LRBA: variants seen among roughly 807,000 people sequenced by gnomAD.
LRBA encodes LPS responsive beige-like anchor protein, also known as lipopolysaccharide-responsive and beige-like anchor protein.
Under a neutral mutation model 330.0 loss-of-function variants are expected in LRBA, and 176 were observed. The ratio of observed to expected loss-of-function variants is 0.53; its 90% confidence interval spans 0.47 to 0.60. The LOEUF is 0.60. Ranked by LOEUF, LRBA falls within the 20% of genes least tolerant of loss-of-function variation. LRBA has a pLI of 0.00. For synonymous variants in LRBA, 1,230 were observed against 1,193.0 expected, an observed-to-expected ratio of 1.03 and a Z score of -0.64; for missense variants, 3,259 against 3,444.8, an observed-to-expected ratio of 0.95 and a Z score of 1.35.
intron 34 of LRBA, among the ~76,000 whole-genome samples, chr4:150,773,582 T>C (rs1011055387): frequency 6.6e-6 from 1 of 152,226 alleles, no homozygotes; most frequent in Non-Finnish European, 1.5e-5. Context: ...CACACCTGTG[T>C]CAAATCCTTG....
At chr4:150,570,217 C>T (rs541287714) in intron 40 of LRBA, among the ~76,000 whole-genome samples, 20 of 152,144 alleles carry the variant, frequency 1.3e-4, no homozygotes, top group African/African-American at 3.6e-4. Flanking sequence ...ATTGATGTGT[C>T]GGGAATTTTT....
chr4:150,977,254 T>C (rs767976908), intron 2 of LRBA, among the ~76,000 whole-genome samples: 7 of 152,124 alleles, frequency 4.6e-5, no homozygotes, highest in Non-Finnish European at 8.8e-5. Flanking sequence ...TAAAAGGACT[T>C]TGTCTTGCAT....
At chr4:150,483,382 A>C (rs1489556860) in intron 42 of LRBA, among the ~76,000 whole-genome samples, 1 of 152,032 alleles carries the variant, frequency 6.6e-6, no homozygotes, top group East Asian at 1.9e-4. Flanking sequence ...TATCCTAATG[A>C]ATGTAATTTT....
intron 2 of LRBA, among the ~76,000 whole-genome samples, chr4:150,971,347 A>T (rs1739561434): frequency 6.6e-6 from 1 of 152,208 alleles, no homozygotes; most frequent in Non-Finnish European, 1.5e-5. Context: ...ATACTGTCAC[A>T]TATAATGATT....
chr4:150,940,212 T>G (rs2149525534), intron 2 of LRBA, among the ~76,000 whole-genome samples: 1 of 148,790 alleles, frequency 6.7e-6, no homozygotes, highest in East Asian at 2.0e-4. Context: ...AAGACCAGGC[T>G]GGGCAACATA....
At chr4:150,950,832 A>C (rs1289426624) in intron 2 of LRBA, among the ~76,000 whole-genome samples, 3 of 152,194 alleles carry the variant, frequency 2.0e-5, no homozygotes, top group Non-Finnish European at 2.9e-5. Flanking sequence ...AGGTCACTTA[A>C]GTCAGGCCTG....
chr4:150,754,419 T>C (rs1367962549), intron 35 of LRBA, among the ~76,000 whole-genome samples: 1 of 150,292 alleles, frequency 6.7e-6, no homozygotes, highest in African/African-American at 2.4e-5. Flanking sequence ...CAGAGAAACT[T>C]CTATACTAAT....
chr4:150,443,873 T>TATATATATATATATA (rs1491391084), intron 44 of LRBA, among the ~76,000 whole-genome samples: 77 of 18,542 alleles, frequency 4.2e-3, no homozygotes, highest in East Asian at 8.7e-3. Context: ...TATATATATA[T>TATATATATATATATA]TTTTTTTTTT....
At chr4:150,276,522 C>T (rs1056786435) in intron 56 of LRBA, among the ~76,000 whole-genome samples, 2 of 152,148 alleles carry the variant, frequency 1.3e-5, no homozygotes, top group Non-Finnish European at 2.9e-5. Context: ...TTTTTGCAAT[C>T]TATCCAACTG....
At chr4:150,648,167 A>AAAAAAAAAAAAAAAAAAAAAAAAAAAAC (rs1268462951) in intron 37 of LRBA, among the ~76,000 whole-genome samples, 1 of 142,898 alleles carries the variant, frequency 7.0e-6, no homozygotes, top group African/African-American at 2.5e-5. Context: ...GCAAAAAAAA[A>AAAAAAAAAAAAAAAAAAAAAAAAAAAAC]AAAAAAAAAA....
chr4:150,515,310 GCAT>G (rs1762221202), intron 40 of LRBA, among the ~76,000 whole-genome samples: 1 of 152,022 alleles, frequency 6.6e-6, no homozygotes, highest in South Asian at 2.1e-4. Context: ...GGAAAACATT[GCAT>G]CATCATTTAC....
chr4:150,348,191 GAAT>G (rs2127046578), intron 48 of LRBA, among the ~76,000 whole-genome samples: 1 of 152,236 alleles, frequency 6.6e-6, no homozygotes, highest in South Asian at 2.1e-4. Flanking sequence ...GGTCAATCCA[GAAT>G]AAAAATAAAA....
At chr4:150,489,113 C>CATATACAATATATAAGAATATATA in intron 41 of LRBA, among the ~76,000 whole-genome samples, 1 of 40,342 alleles carries the variant, frequency 2.5e-5, no homozygotes, top group Non-Finnish European at 4.0e-5. Context: ...TATTATATAT[C>CATATACAATATATAAGAATATATA]ATATATAATA....
At chr4:150,369,626 T>C (rs1425837334) in intron 47 of LRBA, among the ~76,000 whole-genome samples, 1 of 152,132 alleles carries the variant, frequency 6.6e-6, no homozygotes, top group African/African-American at 2.4e-5. Context: ...AACAAAATGC[T>C]TACTTATGCA....
intron 40 of LRBA, chr4:150,582,994 G>T (rs371518534): frequency 1.2e-5 from 18 of 1,538,606 alleles, no homozygotes; most frequent in Non-Finnish European, 1.4e-5. Flanking sequence ...AACGTATTGC[G>T]AGACGCCGGT....
intron 2 of LRBA, among the ~76,000 whole-genome samples, chr4:150,960,792 A>T (rs1738057144): frequency 6.7e-6 from 1 of 149,376 alleles, no homozygotes; most frequent in Non-Finnish European, 1.5e-5. Flanking sequence ...TCAATGGTTA[A>T]TTTCATATTT....
chr4:150,687,057 T>C lies in LRBA; in HGVS notation c.5755-3340A>G, dbSNP rs141176637. 1.2e-4 allele frequency among the ~76,000 whole-genome samples: 19 copies of C among 152,214 alleles called. No individual in the cohort carries two copies. The East Asian group carries it at 3.7e-3, about 29-fold the overall frequency. ...AGGGCTATTCTTTCCTGATTATCAATCTCTGTCTCTTTGTGGAACCTTAGG... is the reference window on the plus strand; with the variant it reads ...AGGGCTATTCTTTCCTGATTATCAACCTCTGTCTCTTTGTGGAACCTTAGG... On this transcript the variant is annotated intron_variant, in intron 36 of 56. Coordinates refer to ENST00000651943, the MANE Select transcript of LRBA (RefSeq NM_001364905.1).
intron 40 of LRBA, among the ~76,000 whole-genome samples, chr4:150,497,748 G>A (rs945292561): frequency 6.6e-6 from 1 of 152,138 alleles, no homozygotes; most frequent in East Asian, 1.9e-4. Context: ...GCCTGGGTGT[G>A]GACGATGGGG....
At chr4:150,450,508 C>T (rs1202387276) in intron 44 of LRBA, among the ~76,000 whole-genome samples, 1 of 152,140 alleles carries the variant, frequency 6.6e-6, no homozygotes, top group East Asian at 1.9e-4. Flanking sequence ...GTGTTCTCTC[C>T]CTGTATGTCT....
Sources: allele counts gnomAD v4.1 joint callset (sites outside exome capture counted in the v4.1 genomes callset), GRCh38; gene constraint gnomAD v4.1.1; transcripts MANE v1.5; gene names NCBI Gene and HGNC (gene_info 2026-07-23, HGNC 2026-07-21).